The following NFAM1 variants were observed in gnomAD, a reference collection of about 807,000 sequenced individuals.
NFAM1 encodes the protein NFAT activating protein with ITAM motif 1.
NFAM1 carries 17 observed loss-of-function variants against 29.0 expected under a neutral mutation model. The observed-to-expected ratio is 0.59, with a 90% CI of 0.40 to 0.88. The LOEUF is 0.88. NFAM1 is among the 40% of genes least tolerant of loss of function. NFAM1 has a pLI of 0.00. For missense variants in NFAM1, 324 were observed against 344.6 expected (o/e 0.94, Z 0.47); for synonymous variants, 175 against 147.2 (o/e 1.19, Z -1.36).
At chr22:42,400,725 C>G (rs1339590954) in intron 3 of NFAM1, among the ~76,000 whole-genome samples, 1 of 152,246 alleles carries the variant, frequency 6.6e-6, no homozygotes, top group African/African-American at 2.4e-5. Flanking sequence ...CCAGGGCTGC[C>G]TCCCCTGCAC....
intron 1 of NFAM1, among the ~76,000 whole-genome samples, chr22:42,428,260 G>A (rs1930687327): frequency 6.6e-6 from 1 of 152,086 alleles, no homozygotes; most frequent in African/African-American, 2.4e-5. Context: ...CACTCCGCGG[G>A]CAGCCTTTCC....
upstream of NFAM1, among the ~76,000 whole-genome samples, chr22:42,436,574 C>A (rs964509099): frequency 6.6e-6 from 1 of 152,240 alleles, no homozygotes; most frequent in Admixed American, 6.5e-5. Flanking sequence ...CATCTGCCCG[C>A]AGGCTGCCCG....
At chr22:42,436,415 C>CCT (rs1324906567), upstream of NFAM1, among the ~76,000 whole-genome samples, 2 of 152,122 alleles carry the variant, frequency 1.3e-5, no homozygotes, top group Non-Finnish European at 2.9e-5. Flanking sequence ...GCCGATCCAC[C>CCT]CTCTCTCTCA....
At chr22:42,394,781 A>G (rs984937483) in intron 4 of NFAM1, among the ~76,000 whole-genome samples, 3 of 152,236 alleles carry the variant, frequency 2.0e-5, no homozygotes, top group African/African-American at 7.2e-5. Flanking sequence ...CCATCATTGT[A>G]TCAGAGGCCT....
intron 3 of NFAM1, among the ~76,000 whole-genome samples, chr22:42,404,416 C>T (rs1929824361): frequency 1.3e-5 from 2 of 152,244 alleles, no homozygotes; most frequent in Admixed American, 1.3e-4. Flanking sequence ...CCCCATCCTG[C>T]CGCTGCCATC....
At chr22:42,421,871 G>C (rs1383339564) in intron 1 of NFAM1, among the ~76,000 whole-genome samples, 3 of 60,984 alleles carry the variant, frequency 4.9e-5, no homozygotes, top group Middle Eastern at 8.1e-3. Flanking sequence ...GAAAGGCTGC[G>C]ATCGGGGCTC....
intron 3 of NFAM1, among the ~76,000 whole-genome samples, chr22:42,404,145 T>C (rs1344659434): frequency 2.6e-5 from 4 of 152,136 alleles, no homozygotes; most frequent in African/African-American, 9.7e-5. Flanking sequence ...GTGAGCTCCG[T>C]GCCCTCCCTG....
intron 1 of NFAM1, among the ~76,000 whole-genome samples, chr22:42,418,631 T>A (rs1930336862): frequency 6.6e-6 from 1 of 151,468 alleles, no homozygotes; most frequent in Non-Finnish European, 1.5e-5. Flanking sequence ...AGGCGGAGAT[T>A]GCAGTGAGCC....
Position 42,419,277 on chromosome 22 carries a change from GCT to G in NFAM1, c.122-7543_122-7542del, listed in dbSNP as rs1930357281. Reference sequence around the variant, plus strand: ...CTGCCCAACCAGGGCTGTCTCTGTGGCTCTGAGTCCCCAGCGATCCACAAACT... The same window carrying G: ...CTGCCCAACCAGGGCTGTCTCTGTGGCTGAGTCCCCAGCGATCCACAAACT... On this transcript the variant is annotated intron_variant, in intron 1 of 5. Coordinates refer to ENST00000329021, the MANE Select transcript of NFAM1 (RefSeq NM_145912.8). The surrounding 1 kb of genome is among the most constrained non-coding windows in gnomAD (Gnocchi z 4.5). 6.6e-6 allele frequency among the ~76,000 whole-genome samples: 1 copy of G among 152,012 alleles called. No homozygotes were observed. Among genetic ancestry groups the G allele is most frequent in the African/African-American group, 2.4e-5 (1 of 41,378 alleles).
chr22:42,390,593 G>C (rs964094802), intron 4 of NFAM1, among the ~76,000 whole-genome samples: 4 of 152,148 alleles, frequency 2.6e-5, no homozygotes, highest in African/African-American at 9.7e-5. Flanking sequence ...GAGGAGGGCA[G>C]GTCACCTGAG....
At chr22:42,401,300 TAGAC>T (rs1929718579) in intron 3 of NFAM1, among the ~76,000 whole-genome samples, 2 of 152,116 alleles carry the variant, frequency 1.3e-5, no homozygotes, top group Admixed American at 6.5e-5. Flanking sequence ...AATGGACAGT[TAGAC>T]AGAAAGGAGG....
Position 42,409,707 on chromosome 22 carries a change from C to T in NFAM1, c.452-160G>A, listed in dbSNP as rs564594822. On this transcript the variant is annotated intron_variant, in intron 2 of 5. Coordinates refer to ENST00000329021, the MANE Select transcript of NFAM1 (RefSeq NM_145912.8). This position sits in a 1 kb window ranked among gnomAD's most constrained non-coding sequence, Gnocchi z 4.9. ...CCCTGGGAGCCAGGGTTCGGGCCTT[C>T]ATTGTCCCCTCACTCCTTTTCATGC... Among the ~76,000 whole-genome samples the T allele has an allele frequency of 6.6e-6, 1 of 152,300 alleles. No individual in the cohort carries two copies. Among genetic ancestry groups the T allele is most frequent in the East Asian group, 1.9e-4 (1 of 5,182 alleles).
In NFAM1 at chr22:42,419,990, G is replaced by GTTTTTTTTTTTTT. The variant is rs869262500; in HGVS notation, c.122-8267_122-8255dup. 2.0e-4 allele frequency among the ~76,000 whole-genome samples: 6 copies of GTTTTTTTTTTTTT among 30,522 alleles called. 3 individuals carry two copies. 20.0% of individuals were successfully genotyped at this position (30,522 alleles called of 152,430 possible). On this transcript the variant is annotated intron_variant, in intron 1 of 5. Coordinates refer to ENST00000329021, the MANE Select transcript of NFAM1 (RefSeq NM_145912.8). The surrounding 1 kb of genome is among the most constrained non-coding windows in gnomAD (Gnocchi z 4.5). Reference sequence around the variant, plus strand: ...CTTTGAGTCTGTAATCCCACTCTTGGTTTTTTTTTTTTTTTTTTTTTTTTT... The same window carrying GTTTTTTTTTTTTT: ...CTTTGAGTCTGTAATCCCACTCTTGGTTTTTTTTTTTTTTTTTTTTTTTTTTTTTTTTTTTTTT...
rs148569569 is a variant in NFAM1 at position 42,416,022 on chromosome 22, G to A, written c.122-4286C>T. On this transcript the variant is annotated intron_variant, in intron 1 of 5. Coordinates refer to ENST00000329021, the MANE Select transcript of NFAM1 (RefSeq NM_145912.8). ...GGTTGGGGTGCAGGGTTTGTGGCCCGGGGGTCTAGAGGGTGTCCATGACCC... is the reference window on the plus strand; with the variant it reads ...GGTTGGGGTGCAGGGTTTGTGGCCCAGGGGTCTAGAGGGTGTCCATGACCC... Among the ~76,000 whole-genome samples the A allele has an allele frequency of 2.4e-4, 37 of 152,260 alleles. No individual in the cohort carries two copies. The East Asian group carries it at 4.6e-3, about 19-fold the overall frequency.
At chr22:42,390,871 C>T (rs1453610982) in intron 4 of NFAM1, among the ~76,000 whole-genome samples, 1 of 151,446 alleles carries the variant, frequency 6.6e-6, no homozygotes, top group Non-Finnish European at 1.5e-5. Context: ...AGGAAGGCCA[C>T]CCTGGGGCGG....
chr22:42,386,873 C>T (rs1601731520), intron 5 of NFAM1, 116 bp downstream of exon 5: 1 of 609,388 alleles, frequency 1.6e-6, no homozygotes, highest in East Asian at 3.1e-5. Flanking sequence ...CAGGAGATGG[C>T]TGGGATTCCA....
rs1168987292 is a variant in NFAM1 at position 42,382,873 on chromosome 22, CCCTGAA to C, written c.*2282_*2287del. Reference sequence around the variant, plus strand: ...CAGCACCCACTGCCTCCCAGCCTTGCCCTGAACCAAGCACAGACGACCACCACGCTG... The same window carrying C: ...CAGCACCCACTGCCTCCCAGCCTTGCCCAAGCACAGACGACCACCACGCTG... On this transcript the variant is annotated 3_prime_UTR_variant, in exon 6 of 6. Transcript: ENST00000329021. 3 of 153,544 alleles carry C rather than the reference CCCTGAA, an allele frequency of 2.0e-5. No homozygotes were observed. The highest frequency in any genetic ancestry group is 7.2e-5 in the African/African-American group (3 of 41,470). 9.5% of individuals were successfully genotyped at this position (153,544 alleles called of 1,614,324 possible). A position where few individuals can be genotyped will look rare whatever the true frequency, so the allele number is the denominator to read the frequency against.
At position 42,419,902 on chromosome 22, in the gene NFAM1, C is replaced by T. The variant is rs933983881; in HGVS notation, c.122-8166G>A. On this transcript the variant is annotated intron_variant, in intron 1 of 5. Coordinates refer to ENST00000329021, the MANE Select transcript of NFAM1 (RefSeq NM_145912.8). The surrounding 1 kb of genome is among the most constrained non-coding windows in gnomAD (Gnocchi z 4.5). ...CCTTTTGCAGATGACAAAACTGAGG[C>T]TCAGAGAAGGCAAGAGGTTTGCCCA... is the stretch of plus-strand genomic sequence containing the variant. Among the ~76,000 whole-genome samples, 1 of 150,176 alleles carries T rather than the reference C, an allele frequency of 6.7e-6. No homozygotes were observed. Among genetic ancestry groups the T allele is most frequent in the East Asian group, 2.0e-4 (1 of 5,008 alleles).
At chr22:42,415,642 T>C (rs9623586) in intron 1 of NFAM1, among the ~76,000 whole-genome samples, 69,855 of 151,478 alleles carry the variant, frequency 0.46, 17,061 homozygotes, top group African/African-American at 0.63. Flanking sequence ...AGAGCTGGAA[T>C]CCTGCAACTG....
Sources: allele counts gnomAD v4.1 joint callset (sites outside exome capture counted in the v4.1 genomes callset), GRCh38; gene constraint gnomAD v4.1.1; non-coding constraint Gnocchi (gnomAD v3.1); transcripts MANE v1.5; gene names NCBI Gene and HGNC (gene_info 2026-07-23, HGNC 2026-07-21).